PCDHGB3: variants seen among roughly 807,000 people sequenced by gnomAD.
PCDHGB3 encodes the protein protocadherin gamma-B3.
Under a neutral mutation model 59.2 loss-of-function variants are expected in PCDHGB3, and 40 were observed. The ratio of observed to expected loss-of-function variants is 0.68; its 90% CI spans 0.52 to 0.88. The LOEUF (loss-of-function observed/expected upper bound fraction) is 0.88, where lower values mean the gene tolerates loss of function less well. Among genes scored for constraint, PCDHGB3 ranks in the 40% least tolerant of loss-of-function variants. The probability of loss-of-function intolerance (pLI) is 0.00; values close to 1 mark genes in which losing one functional copy is unlikely to be tolerated. For missense variants in PCDHGB3, 1,309 were observed against 1,187.9 expected, an observed-to-expected ratio of 1.10 and a Z score of -1.50; for synonymous variants, 581 against 503.6, an observed-to-expected ratio of 1.15 and a Z score of -2.06.
intron 1 of PCDHGB3, chr5:141,408,241 G>A: frequency 1.3e-6 from 2 of 1,580,050 alleles, no homozygotes; most frequent in Non-Finnish European, 1.7e-6. Flanking sequence ...GGGCCGGCCC[G>A]CGGCAGGTGC....
At chr5:141,382,121 C>T (rs1437558526) in intron 1 of PCDHGB3, among the ~76,000 whole-genome samples, 1 of 152,068 alleles carries the variant, frequency 6.6e-6, no homozygotes, top group African/African-American at 2.4e-5. Flanking sequence ...AGCAACAGCA[C>T]CTGGCCCCCC....
At chr5:141,426,788 T>C (rs2096960035) in intron 1 of PCDHGB3, 1 of 456,568 alleles carries the variant, frequency 2.2e-6, no homozygotes, top group African/African-American at 2.0e-5. Context: ...CTCTCCAGAG[T>C]TACCAGCTCA....
chr5:141,498,827 G>C (rs2099786072), intron 2 of PCDHGB3, among the ~76,000 whole-genome samples: 1 of 152,102 alleles, frequency 6.6e-6, no homozygotes, highest in Non-Finnish European at 1.5e-5. Context: ...CAGCTACTCA[G>C]GAGGCTGAGG....
intron 1 of PCDHGB3, chr5:141,404,553 C>T: frequency 6.2e-7 from 1 of 1,613,766 alleles, no homozygotes; most frequent in Non-Finnish European, 8.5e-7. Context: ...CAGGTGACGG[C>T]AAGTGACAGT....
rs747077639 is a variant in PCDHGB3, at chr5:141,432,371, G to C, written c.2415+59562G>C. 2 of 1,614,234 alleles carry C rather than the reference G, an allele frequency of 1.2e-6. No individual in the cohort carries two copies. The highest frequency in any genetic ancestry group is 1.6e-4 in the Middle Eastern group (1 of 6,062). ...AGTGAAAGTGATGGCGCGGGACAAC[G>C]GGCACCCGCCCCTCAGCAGCAACGT... On this transcript the variant is annotated intron_variant, in intron 1 of 3. Transcript: ENST00000576222. The surrounding 1 kb of genome is among the most constrained non-coding windows in gnomAD (Gnocchi z 6.0).
chr5:141,421,457 C>T (rs377073702), intron 1 of PCDHGB3: 9 of 1,614,014 alleles, frequency 5.6e-6, no homozygotes, highest in African/African-American at 2.7e-5. Flanking sequence ...CAGCTTTTCG[C>T]TGTGAATCCG....
chr5:141,385,288 T>G (rs1781084944), intron 1 of PCDHGB3: 1 of 1,613,250 alleles, frequency 6.2e-7, no homozygotes, highest in Admixed American at 1.7e-5. Context: ...ATCCGTAGAT[T>G]TTCAGGAATG....
At chr5:141,417,943 G>A (rs772925118) in intron 1 of PCDHGB3, 2 of 1,613,194 alleles carry the variant, frequency 1.2e-6, no homozygotes, top group Admixed American at 1.7e-5. Flanking sequence ...TCTACCCCAC[G>A]CTGTGTGAGC....
At chr5:141,374,010 T>A in intron 1 of PCDHGB3, 1 of 1,364,772 alleles carries the variant, frequency 7.3e-7, no homozygotes, top group Non-Finnish European at 9.6e-7. Flanking sequence ...CACCGCTATT[T>A]CTGAGAAGAG....
At position 141,384,752 on chromosome 5, in the gene PCDHGB3, C is replaced by T. The variant is rs974144646; in HGVS notation, c.2415+11943C>T. 6.2e-6 allele frequency: 10 copies of T among 1,613,906 alleles called. No individual in the cohort carries two copies. The African/African-American group carries it at 6.7e-5, about 11-fold the overall frequency. ...AAGGCCAGCGAGCCAGGACTCTTTG[C>T]GGTTGGGCTGTACACGGGCGAGGTG... On this transcript the variant is annotated intron_variant, in intron 1 of 3. Coordinates refer to ENST00000576222, the MANE Select transcript of PCDHGB3 (RefSeq NM_018924.5).
chr5:141,370,328 G>T lies in PCDHGB3; in HGVS notation c.-67G>T. 2 of 1,405,614 alleles carry T rather than the reference G, an allele frequency of 1.4e-6. No individual in the cohort carries two copies. Among genetic ancestry groups the T allele is most frequent in the South Asian group, 2.9e-5 (2 of 69,434 alleles). The allele number at this position is 1,405,614 out of a possible 1,614,324, so 87.1% of individuals were successfully genotyped here. ...AAGCAAATAGTTGGTCCTGCTCGGA[G>T]AACTCTTGGGATTATTTAAAGATCT... On this transcript the variant is annotated 5_prime_UTR_variant, in exon 1 of 4. Coordinates refer to ENST00000576222, the MANE Select transcript of PCDHGB3 (RefSeq NM_018924.5).
intron 1 of PCDHGB3, chr5:141,418,984 C>T: frequency 6.2e-7 from 1 of 1,613,930 alleles, no homozygotes; most frequent in African/African-American, 1.3e-5. Flanking sequence ...GGGACCAAGA[C>T]TCAGGGGAAA....
In PCDHGB3 at chr5:141,385,180, G is replaced by A. The variant is rs200338637; in HGVS notation, c.2415+12371G>A. On this transcript the variant is annotated intron_variant, in intron 1 of 3. Coordinates refer to ENST00000576222, the MANE Select transcript of PCDHGB3 (RefSeq NM_018924.5). ...CTATTCCCATGAGGTCTCCCTCACC[G>A]CGGACTCTCGGAAGAGTCACCTGAT... The A allele has an allele frequency of 2.4e-4, 390 of 1,614,178 alleles. 1 individual carries two copies. The highest frequency in any genetic ancestry group is 3.1e-4 in the Non-Finnish European group (365 of 1,180,034).
chr5:141,419,454 T>A (rs1191326733), intron 1 of PCDHGB3: 1 of 1,612,786 alleles, frequency 6.2e-7, no homozygotes, highest in Non-Finnish European at 8.5e-7. Flanking sequence ...GAGCTCACGC[T>A]GCAGGCCCGC....
intron 1 of PCDHGB3, among the ~76,000 whole-genome samples, chr5:141,452,476 C>T (rs968627914): frequency 6.6e-6 from 1 of 152,216 alleles, no homozygotes; most frequent in Admixed American, 6.5e-5. Context: ...AGGAAAAACA[C>T]ACATAAACAC....
chr5:141,392,962 A>G, intron 1 of PCDHGB3: 1 of 1,613,902 alleles, frequency 6.2e-7, no homozygotes, highest in Admixed American at 1.7e-5. Context: ...AATATCTCCA[A>G]GGACCTGGGG....
chr5:141,455,377 CAGAA>C (rs2098820699), intron 1 of PCDHGB3, among the ~76,000 whole-genome samples: 1 of 151,970 alleles, frequency 6.6e-6, no homozygotes, highest in Admixed American at 6.6e-5. Flanking sequence ...AGGGAGAAGA[CAGAA>C]GGAAGGAGCT....
chr5:141,463,438 CTTTTTTTTTT>C (rs71576115), intron 1 of PCDHGB3, among the ~76,000 whole-genome samples: 6 of 103,254 alleles, frequency 5.8e-5, no homozygotes, highest in Non-Finnish European at 9.4e-5. Flanking sequence ...TTTCCTTCTC[CTTTTTTTTTT>C]TTTTTTTTTT....
chr5:141,430,216 A>G (rs1487666733), intron 1 of PCDHGB3, among the ~76,000 whole-genome samples: 1 of 150,536 alleles, frequency 6.6e-6, no homozygotes, highest in Non-Finnish European at 1.5e-5. Flanking sequence ...TTATTATATT[A>G]TATGATTTGT....
Sources: allele counts gnomAD v4.1 joint callset (sites outside exome capture counted in the v4.1 genomes callset), GRCh38; gene constraint gnomAD v4.1.1; non-coding constraint Gnocchi (gnomAD v3.1); transcripts MANE v1.5; gene names NCBI Gene and HGNC (gene_info 2026-07-23, HGNC 2026-07-21).